Variants in TXNDC12 observed in about 807,000 individuals in gnomAD.
TXNDC12 encodes the protein thioredoxin domain containing 12.
Under a neutral mutation model 24.2 loss-of-function variants are expected in TXNDC12, and 22 were observed. That is an observed-to-expected ratio of 0.91 (90% CI 0.65 to 1.30). The LOEUF (loss-of-function observed/expected upper bound fraction) is 1.30, where lower values mean the gene tolerates loss of function less well. Among genes scored for constraint, TXNDC12 ranks in the 50% most tolerant of loss-of-function variants. TXNDC12 has a pLI of 0.00. For missense variants in TXNDC12, 184 were observed against 205.8 expected (o/e 0.89, Z 0.65); for synonymous variants, 58 against 73.4 (o/e 0.79, Z 1.07).
At chr1:52,032,681 C>G (rs1259248921) in intron 2 of TXNDC12, 19 of 1,569,396 alleles carry the variant, frequency 1.2e-5, no homozygotes, top group South Asian at 6.0e-5. Context: ...CATGGCTTCC[C>G]CCCTACCTCC....
chr1:52,033,872 C>G, intron 2 of TXNDC12: 1 of 1,441,566 alleles, frequency 6.9e-7, no homozygotes, highest in Non-Finnish European at 9.1e-7. Context: ...TTGACTTTTA[C>G]AGACCCTCTT....
chr1:52,048,944 G>A (rs555317826), intron 1 of TXNDC12, among the ~76,000 whole-genome samples: 4 of 152,114 alleles, frequency 2.6e-5, no homozygotes, highest in East Asian at 3.9e-4. Context: ...TTACAATCAC[G>A]TAAGGTTATT....
At chr1:52,032,378 A>G in intron 2 of TXNDC12, 3 of 1,113,230 alleles carry the variant, frequency 2.7e-6, no homozygotes, top group Non-Finnish European at 2.2e-6. Context: ...CCCACGCCTC[A>G]GATGAGGGAA....
intron 1 of TXNDC12, among the ~76,000 whole-genome samples, chr1:52,050,322 A>G (rs986438696): frequency 2.0e-5 from 3 of 152,258 alleles, no homozygotes; most frequent in African/African-American, 7.2e-5. Flanking sequence ...AACATGGAAC[A>G]TCTGAAGGCA....
intron 2 of TXNDC12, chr1:52,032,675 G>T: frequency 6.4e-7 from 1 of 1,561,358 alleles, no homozygotes; most frequent in African/African-American, 1.4e-5. Context: ...AGAAGCCATG[G>T]CTTCCCCCCT....
intron 2 of TXNDC12, chr1:52,032,398 C>T: frequency 1.7e-6 from 2 of 1,145,350 alleles, no homozygotes; most frequent in Non-Finnish European, 2.1e-6. Flanking sequence ...AGCCAATGGT[C>T]AATGCTCTGT....
intron 2 of TXNDC12, among the ~76,000 whole-genome samples, chr1:52,037,807 G>A (rs914654785): frequency 2.6e-5 from 4 of 152,050 alleles, no homozygotes; most frequent in African/African-American, 4.8e-5. Flanking sequence ...CAAACTCCTG[G>A]GCTCTGGTAA....
intron 4 of TXNDC12, among the ~76,000 whole-genome samples, chr1:52,024,842 ACT>A (rs1314970541): frequency 1.1e-4 from 17 of 152,234 alleles, no homozygotes; most frequent in Middle Eastern, 3.4e-3. Context: ...CTTGCTCTTA[ACT>A]CTCTGCTGAA....
At chr1:52,047,710 C>T (rs773611770) in intron 1 of TXNDC12, among the ~76,000 whole-genome samples, 1 of 151,878 alleles carries the variant, frequency 6.6e-6, no homozygotes, top group Admixed American at 6.6e-5. Flanking sequence ...TGAGGCCAGT[C>T]TGGGCAACAG....
At chr1:52,031,075 A>G (rs12757532) in intron 2 of TXNDC12, among the ~76,000 whole-genome samples, 1 of 151,690 alleles carries the variant, frequency 6.6e-6, no homozygotes. Flanking sequence ...ACCTCCCCCA[A>G]CAGCTAGTTA....
intron 2 of TXNDC12, chr1:52,032,558 G>T: frequency 7.1e-7 from 1 of 1,407,936 alleles, no homozygotes; most frequent in Non-Finnish European, 9.2e-7. Flanking sequence ...GGGTATGCAG[G>T]AAAGTTTGAG....
upstream of TXNDC12, chr1:52,055,394 TAGGCCA>T (rs1487073028): frequency 2.9e-6 from 1 of 348,876 alleles, no homozygotes; most frequent in African/African-American, 2.1e-5. Flanking sequence ...CGGGAAAATG[TAGGCCA>T]AGATAGTAGG....
chr1:52,033,444 G>T, intron 2 of TXNDC12: 1 of 1,613,054 alleles, frequency 6.2e-7, no homozygotes, highest in Non-Finnish European at 8.5e-7. Flanking sequence ...GCCGTACGCA[G>T]TAGACCAGGC....
intron 5 of TXNDC12, 31 bp downstream of exon 5, chr1:52,024,479 T>C (rs761599637): frequency 1.3e-6 from 2 of 1,558,712 alleles, no homozygotes; most frequent in Non-Finnish European, 1.8e-6. Context: ...ATCCACATCA[T>C]GGATTCCCAG....
intron 2 of TXNDC12, among the ~76,000 whole-genome samples, chr1:52,038,547 A>G (rs1291123523): frequency 6.6e-6 from 1 of 152,004 alleles, no homozygotes; most frequent in Non-Finnish European, 1.5e-5. Context: ...CTTGACCTCA[A>G]ATGATCCACC....
chr1:52,048,595 AG>A (rs1188013319), intron 1 of TXNDC12, among the ~76,000 whole-genome samples: 1 of 152,132 alleles, frequency 6.6e-6, no homozygotes. Context: ...AGCCAGGCAC[AG>A]TGGCTCATGC....
rs111797053 is a variant in TXNDC12, at chr1:52,054,968, T to A, written c.97+32A>T. 1.9e-5 allele frequency: 28 copies of A among 1,491,884 alleles called. No individual in the cohort carries two copies. In the African/African-American group the frequency reaches 2.3e-4, roughly 13 times the overall value. The allele number at this position is 1,491,884 out of a possible 1,614,324, so 92.4% of individuals were successfully genotyped here. A position where few individuals can be genotyped will look rare whatever the true frequency, so the allele number is the denominator to read the frequency against. On this transcript the variant is annotated intron_variant, in intron 1 of 6. Transcript: ENST00000371626. ...TATACTGGGATCAGTATAGTAAAGA[T>A]CAGTAAAGAGAAGATAAGAACGCGG...
intron 4 of TXNDC12, among the ~76,000 whole-genome samples, chr1:52,026,293 G>A (rs902369174): frequency 6.6e-6 from 1 of 152,120 alleles, no homozygotes; most frequent in African/African-American, 2.4e-5. Flanking sequence ...TCACATACCT[G>A]CTTCAGGCCT....
intron 1 of TXNDC12, 83 bp from the exon 2 acceptor site, chr1:52,041,680 A>G: frequency 1.1e-6 from 1 of 886,368 alleles, no homozygotes; most frequent in Non-Finnish European, 1.8e-6. Flanking sequence ...TTCACAAGAT[A>G]CCCACTAAGA....
Sources: gnomAD v4.1 joint callset for allele counts (sites outside exome capture counted in the v4.1 genomes callset) on GRCh38, gnomAD v4.1.1 for gene constraint, MANE v1.5 for transcripts, NCBI Gene and HGNC (gene_info 2026-07-23, HGNC 2026-07-21) for gene names.